The following CDK14 variants were observed in gnomAD, a reference collection of about 807,000 sequenced individuals.
The protein encoded by CDK14 is cyclin dependent kinase 14, also known as cyclin-dependent kinase 14.
CDK14 carries 34 observed loss-of-function variants against 60.7 expected under a neutral mutation model. The observed-to-expected ratio is 0.56, with a 90% CI of 0.43 to 0.75. The LOEUF is 0.75. CDK14 is among the 30% of genes least tolerant of loss of function. CDK14 has a pLI of 0.00. For synonymous variants in CDK14, 197 were observed against 203.7 expected (o/e 0.97, Z 0.28); for missense variants, 482 against 564.1 (o/e 0.85, Z 1.47).
intron 5 of CDK14, among the ~76,000 whole-genome samples, chr7:90,816,596 A>G (rs1221041006): frequency 1.3e-5 from 2 of 152,186 alleles, no homozygotes; most frequent in Admixed American, 1.3e-4. Context: ...ATCCTGGGAA[A>G]GAGGAGATAT....
chr7:91,054,362 G>A (rs567390168), intron 11 of CDK14, among the ~76,000 whole-genome samples: 2 of 151,870 alleles, frequency 1.3e-5, no homozygotes, highest in African/African-American at 2.4e-5. Flanking sequence ...CAAGCCTTAG[G>A]GTATTTAGAG....
chr7:91,157,775 C>G (rs1801027174), intron 14 of CDK14, among the ~76,000 whole-genome samples: 1 of 152,194 alleles, frequency 6.6e-6, no homozygotes, highest in Non-Finnish European at 1.5e-5. Context: ...CTCTCATTTG[C>G]TGACCTTGCA....
At chr7:90,741,944 A>G (rs1384635709) in intron 3 of CDK14, among the ~76,000 whole-genome samples, 1 of 152,096 alleles carries the variant, frequency 6.6e-6, no homozygotes, top group Non-Finnish European at 1.5e-5. Flanking sequence ...GTAGTGAAAT[A>G]TATTAGTAAT....
intron 5 of CDK14, among the ~76,000 whole-genome samples, chr7:90,809,910 A>G (rs531678013): frequency 2.6e-5 from 4 of 152,308 alleles, no homozygotes; most frequent in African/African-American, 9.6e-5. Context: ...CCCTCCCAAG[A>G]CTAAACCAGG....
At chr7:90,721,245 A>G (rs1296440868) in intron 2 of CDK14, among the ~76,000 whole-genome samples, 3 of 151,948 alleles carry the variant, frequency 2.0e-5, no homozygotes, top group Non-Finnish European at 4.4e-5. Context: ...TCCTTGATAC[A>G]GTTCCTTGGT....
At chr7:91,096,653 T>G (rs1799001692) in intron 12 of CDK14, among the ~76,000 whole-genome samples, 1 of 152,244 alleles carries the variant, frequency 6.6e-6, no homozygotes, top group Admixed American at 6.5e-5. Flanking sequence ...AGCTCTTTTT[T>G]CCCTAAATTT....
chr7:90,914,591 T>C (rs1793013322), intron 7 of CDK14, among the ~76,000 whole-genome samples: 2 of 152,208 alleles, frequency 1.3e-5, no homozygotes, highest in African/African-American at 2.4e-5. Flanking sequence ...GTATTTGTCA[T>C]GTTTGGGGCT....
chr7:90,834,053 A>G (rs1790008898), intron 5 of CDK14, among the ~76,000 whole-genome samples: 1 of 152,200 alleles, frequency 6.6e-6, no homozygotes, highest in South Asian at 2.1e-4. Context: ...TGGTGCTTAA[A>G]TAAATTATTA....
At chr7:90,984,099 T>C (rs766029664) in intron 9 of CDK14, 49 bp from the exon 10 acceptor site, 1 of 1,199,378 alleles carries the variant, frequency 8.3e-7, no homozygotes, top group Admixed American at 1.7e-5. Context: ...TTAGTTTTCC[T>C]AAGCAGAATA....
chr7:90,715,285 T>TGA (rs1306929863), intron 2 of CDK14, among the ~76,000 whole-genome samples: 1 of 152,018 alleles, frequency 6.6e-6, no homozygotes, highest in Non-Finnish European at 1.5e-5. Flanking sequence ...TTGAGACAAG[T>TGA]GAGCTTCTGC....
At chr7:90,955,580 C>T in intron 8 of CDK14, 117 bp from the exon 9 acceptor site, 1 of 1,111,368 alleles carries the variant, frequency 9.0e-7, no homozygotes, top group East Asian at 2.4e-5. Flanking sequence ...TGATACTGCA[C>T]TCCTGATTCT....
chr7:90,750,976 C>G (rs980103337), intron 4 of CDK14, among the ~76,000 whole-genome samples: 3 of 151,762 alleles, frequency 2.0e-5, no homozygotes, highest in Non-Finnish European at 1.5e-5. Context: ...TCTTCTTAAC[C>G]CAGACAAAAA....
chr7:90,599,309 A>G (rs1799265628), intron 1 of CDK14, among the ~76,000 whole-genome samples: 1 of 152,250 alleles, frequency 6.6e-6, no homozygotes, highest in Non-Finnish European at 1.5e-5. Context: ...TACTGACATA[A>G]CTGATCTTAT....
chr7:90,726,389 C>T, intron 2 of CDK14, 178 bp from the exon 3 acceptor site: 3 of 1,278,830 alleles, frequency 2.3e-6, no homozygotes, highest in Non-Finnish European at 3.1e-6. Context: ...AGTGTAAACA[C>T]AATGATTGTG....
At chr7:90,857,156 G>A (rs1790850195) in intron 5 of CDK14, among the ~76,000 whole-genome samples, 2 of 151,016 alleles carry the variant, frequency 1.3e-5, no homozygotes, top group South Asian at 4.2e-4. Context: ...CTGATAAAAT[G>A]AACTTACTCT....
intron 2 of CDK14, among the ~76,000 whole-genome samples, chr7:90,625,499 G>A (rs950653001): frequency 1.3e-5 from 2 of 152,116 alleles, no homozygotes; most frequent in Non-Finnish European, 2.9e-5. Context: ...TTTAATATTT[G>A]CATCACATTT....
chr7:90,889,577 CTAATT>C (rs1441832825), intron 6 of CDK14, among the ~76,000 whole-genome samples: 1 of 152,122 alleles, frequency 6.6e-6, no homozygotes, highest in Non-Finnish European at 1.5e-5. Flanking sequence ...AAAGAAATGG[CTAATT>C]TAATTAGGCA....
Position 91,040,627 on chromosome 7 carries a change from C to G in CDK14, c.1042-5270C>G, listed in dbSNP as rs189015048. Among the ~76,000 whole-genome samples the G allele has an allele frequency of 3.1e-3, 467 of 152,342 alleles. 2 individuals carry two copies. The highest frequency in any genetic ancestry group is 0.011 in the African/African-American group (449 of 41,584). On this transcript the variant is annotated intron_variant, in intron 10 of 14. Coordinates refer to ENST00000380050, the MANE Select transcript of CDK14 (RefSeq NM_001287135.2). ...AAACTTAAAGCCTTGAAGTGGGAATCTGGTGCTTCCCATATCATTTCATTA... is the reference window on the plus strand; with the variant it reads ...AAACTTAAAGCCTTGAAGTGGGAATGTGGTGCTTCCCATATCATTTCATTA...
intron 5 of CDK14, among the ~76,000 whole-genome samples, chr7:90,840,506 G>A (rs548609433): frequency 3.3e-5 from 5 of 152,300 alleles, no homozygotes; most frequent in South Asian, 4.1e-4. Flanking sequence ...ATTTAGGTAA[G>A]CAGGGAGAAC....
Sources: allele counts gnomAD v4.1 joint callset (sites outside exome capture counted in the v4.1 genomes callset), GRCh38; gene constraint gnomAD v4.1.1; transcripts MANE v1.5; gene names NCBI Gene and HGNC (gene_info 2026-07-23, HGNC 2026-07-21).